Variants in MX1 observed in about 807,000 individuals in gnomAD.
MX1 encodes MX dynamin like GTPase 1.
In MX1, 66 loss-of-function variants were observed where a neutral mutation model predicts 66.4. The observed-to-expected ratio is 0.99, with a 90% CI of 0.82 to 1.22. The LOEUF (loss-of-function observed/expected upper bound fraction) is 1.22. Among genes scored for constraint, MX1 ranks in the 50% most tolerant of loss-of-function variants. MX1 has a pLI of 0.00. For synonymous variants in MX1, 311 were observed against 318.1 expected (o/e 0.98, Z 0.24); for missense variants, 787 against 834.3 (o/e 0.94, Z 0.70).
At position 41,426,683 on chromosome 21, in the gene MX1, T is replaced by C. The variant is rs2090069274; in HGVS notation, c.-309+420T>C. The stretch of plus-strand genomic sequence containing the variant: ...CCCGAACGCCGACCACTGCTTTCCG[T>C]CGACTTCTATTTCCTGGGAACGCGC... On this transcript the variant is annotated intron_variant, in intron 1 of 16. Transcript: ENST00000398598. The C allele has an allele frequency of 4.6e-5, 7 of 152,334 alleles. No individual in the cohort carries two copies. In the South Asian group the frequency reaches 1.4e-3, roughly 32 times the overall value. The allele number at this position is 152,334 out of a possible 1,614,324, so 9.4% of individuals were successfully genotyped here.
chr21:41,450,767 A>C (rs2090800807), intron 14 of MX1, among the ~76,000 whole-genome samples: 1 of 151,984 alleles, frequency 6.6e-6, no homozygotes. Flanking sequence ...AAATAATATA[A>C]ATTTTTTAAT....
chr21:41,439,803 A>T lies in MX1; in HGVS notation c.546A>T (p.Ile182=). 6.2e-7 allele frequency: 1 copy of T among 1,614,052 alleles called. No individual in the cohort carries two copies. The highest frequency in any genetic ancestry group is 1.1e-5 in the South Asian group (1 of 91,066). The change falls in exon 8 of 17, where the codon ATA becomes ATT. Residue 182 remains isoleucine (I), a synonymous_variant. Transcript: ENST00000398598. The part of the protein sequence containing the change: ...PDLTLIDLPG[I]TRVAVGNQPA... ...TGACTCTAATAGACCTTCCTGGCATAACCAGAGTGGCTGTGGGCAATCAGC... is the reference window on the plus strand; with the variant it reads ...TGACTCTAATAGACCTTCCTGGCATTACCAGAGTGGCTGTGGGCAATCAGC...
chr21:41,443,591 G>A, intron 10 of MX1, 197 bp from the exon 11 acceptor site: 1 of 603,926 alleles, frequency 1.7e-6, no homozygotes, highest in South Asian at 2.0e-5. Context: ...ATATCATTGT[G>A]GAAATATCCT....
upstream of MX1, among the ~76,000 whole-genome samples, chr21:41,422,342 A>G (rs1254599393): frequency 1.3e-5 from 2 of 152,224 alleles, no homozygotes; most frequent in African/African-American, 2.4e-5. Context: ...GGAGGCATGA[A>G]TAATCCACCC....
At chr21:41,426,394 G>C (rs898091006) in intron 1 of MX1, 131 bp downstream of exon 1, 2 of 152,332 alleles carry the variant, frequency 1.3e-5, no homozygotes, top group Admixed American at 6.5e-5. Context: ...CTTCTCGGCT[G>C]CTAGTAACTA....
At position 41,458,741 on chromosome 21, in the gene MX1, G is replaced by A. The variant is rs530985510; in HGVS notation, c.1972G>A (p.Ala658Thr). ...ARLTQARRRL[A>T]QFPG ...GCTGACGCAGGCTCGGCGCCGGCTT[G>A]CCCAGTTCCCCGGTTAACCACACTC... is the stretch of plus-strand genomic sequence containing the variant. Residue 658 changes from alanine to threonine, a missense_variant, in exon 17 of 17, where the codon GCC becomes ACC. Coordinates refer to ENST00000398598, the MANE Select transcript of MX1 (RefSeq NM_002462.5). 5.3e-5 allele frequency: 86 copies of A among 1,612,280 alleles called. No homozygotes were observed. In the Admixed American group the frequency reaches 5.5e-4, roughly 10 times the overall value.
Position 41,446,021 on chromosome 21 carries a change from G to A in MX1, c.1153G>A (p.Asp385Asn). ...LIDKVNAFNQ[D>N]ITALMQGEET... ...ACAGAAAGTTAATGCCTTTAATCAG[G>A]ACATCACTGCTCTCATGCAAGGAGA... The change falls in exon 13 of 17, where the codon GAC becomes AAC. Residue 385 changes from aspartate to asparagine, a missense_variant. By Grantham distance (23) the Asp-to-Asn change is conservative. Coordinates refer to ENST00000398598, the MANE Select transcript of MX1 (RefSeq NM_002462.5). The A allele has an allele frequency of 6.2e-7, 1 of 1,614,036 alleles. No individual in the cohort carries two copies. Among genetic ancestry groups the A allele is most frequent in the South Asian group, 1.1e-5 (1 of 91,070 alleles).
In MX1 at chr21:41,452,869, G is replaced by A; in HGVS notation, c.1758G>A (p.Gln586=). The change falls in exon 16 of 17, where the codon CAG becomes CAA. Residue 586 remains glutamine (Q), a splice_region_variant and synonymous_variant. Transcript: ENST00000398598. ...TTCAGCACCTGATGGCCTATCACCA[G>A]GTACGTCTTCGCGTGGTTCAGGATG... ...EIFQHLMAYH[Q]EASKRISSHI... The A allele has an allele frequency of 6.2e-7, 1 of 1,613,904 alleles. No individual in the cohort carries two copies. The highest frequency in any genetic ancestry group is 8.5e-7 in the Non-Finnish European group (1 of 1,179,904).
chr21:41,432,745 T>C (rs1823445782), intron 5 of MX1, among the ~76,000 whole-genome samples: 1 of 152,224 alleles, frequency 6.6e-6, no homozygotes, highest in African/African-American at 2.4e-5. Context: ...CTTTGCTTTA[T>C]ATGGCTGAGA....
At position 41,445,560 on chromosome 21, in the gene MX1, TC is replaced by T; in HGVS notation, c.1123del (p.Leu375Ter). 6.2e-7 allele frequency: 1 copy of T among 1,614,076 alleles called. No individual in the cohort carries two copies. Among genetic ancestry groups the T allele is most frequent in the Non-Finnish European group, 8.5e-7 (1 of 1,179,986 alleles). ...IPEDENEKMFFLIDKVNAFNQ... is the reference protein window; with the variant it reads ...IPEDENEKMFXLIDKVNAFNQ... ...GAAGACGAAAATGAAAAAATGTTCT[TC>T]CTGATAGATGTGAGTGTTGCCAGCT... On this transcript the variant is annotated frameshift_variant, in exon 12 of 17. Coordinates refer to ENST00000398598, the MANE Select transcript of MX1 (RefSeq NM_002462.5). LOFTEE classifies it high-confidence loss of function.
At chr21:41,444,669 G>A (rs1264366582) in intron 11 of MX1, among the ~76,000 whole-genome samples, 2 of 152,128 alleles carry the variant, frequency 1.3e-5, no homozygotes, top group Non-Finnish European at 2.9e-5. Flanking sequence ...GGGTCCCACT[G>A]TATGCAGAAA....
At position 41,453,074 on chromosome 21, in the gene MX1, C is replaced by T. The variant is rs143405494; in HGVS notation, c.1758+205C>T. ...CAATTTACAAAAGAAAGAGGTTTAA[C>T]GGACTTACAGTTCCACATGGCTGGG... On this transcript the variant is annotated intron_variant, in intron 16 of 16. Transcript: ENST00000398598. 3.8e-3 allele frequency among the ~76,000 whole-genome samples: 573 copies of T among 152,242 alleles called. 3 individuals are homozygous for T. Among genetic ancestry groups the T allele is most frequent in the Non-Finnish European group, 2.7e-3 (186 of 68,016 alleles).
intron 15 of MX1, among the ~76,000 whole-genome samples, chr21:41,451,963 C>T (rs1001885573): frequency 5.3e-5 from 8 of 152,060 alleles, no homozygotes; most frequent in South Asian, 2.1e-4. Flanking sequence ...TAGGTGTCCC[C>T]GGCACAGATG....
rs764006102 is a variant in MX1, at chr21:41,427,250, A to G, written c.-264A>G. The G allele has an allele frequency of 6.6e-6, 1 of 152,182 alleles. No individual in the cohort carries two copies. The highest frequency in any genetic ancestry group is 1.5e-5 in the Non-Finnish European group (1 of 68,050). The allele number at this position is 152,182 out of a possible 1,614,324, so 9.4% of individuals were successfully genotyped here. On this transcript the variant is annotated 5_prime_UTR_variant, in exon 2 of 17. Coordinates refer to ENST00000398598, the MANE Select transcript of MX1 (RefSeq NM_002462.5). ...GCCAGGAATCCCAGTGTCACGGTGG[A>G]CACGCCTCCCTCGCGCCCTTGCCGC...
chr21:41,435,715 T>A, intron 5 of MX1, 122 bp from the exon 6 acceptor site: 1 of 1,117,082 alleles, frequency 9.0e-7, no homozygotes, highest in Non-Finnish European at 1.3e-6. Flanking sequence ...GTCTCTCCCT[T>A]GACACGTAGG....
intron 5 of MX1, among the ~76,000 whole-genome samples, chr21:41,432,627 G>A (rs1420031014): frequency 6.6e-6 from 1 of 152,210 alleles, no homozygotes; most frequent in Non-Finnish European, 1.5e-5. Context: ...CCTGGAATCA[G>A]TCCAACCTCA....
chr21:41,445,304 C>T (rs1467532967), intron 11 of MX1, 144 bp from the exon 12 acceptor site: 2 of 978,214 alleles, frequency 2.0e-6, no homozygotes, highest in Non-Finnish European at 3.1e-6. Context: ...TGCACCTCCC[C>T]CGGGTCTGGA....
At chr21:41,446,825 G>A (rs960877498) in intron 13 of MX1, among the ~76,000 whole-genome samples, 1 of 152,150 alleles carries the variant, frequency 6.6e-6, no homozygotes, top group Non-Finnish European at 1.5e-5. Context: ...GAATTTTTAG[G>A]GGACACCAAC....
At chr21:41,447,076 TG>T (rs1445580921) in intron 13 of MX1, among the ~76,000 whole-genome samples, 4 of 152,138 alleles carry the variant, frequency 2.6e-5, no homozygotes, top group South Asian at 2.1e-4. Context: ...ACCACAGACT[TG>T]GGGGGGCTTA....
Sources: gnomAD v4.1 joint callset for allele counts (sites outside exome capture counted in the v4.1 genomes callset) on GRCh38, gnomAD v4.1.1 for gene constraint, MANE v1.5 for transcripts, NCBI Gene and HGNC (gene_info 2026-07-23, HGNC 2026-07-21) for gene names.